The following UGT2A2 variants were observed in gnomAD, a reference collection of about 807,000 sequenced individuals.
The protein encoded by UGT2A2 is UDP glucuronosyltransferase family 2 member A2, also known as UDP-glucuronosyltransferase 2A2.
UGT2A2 carries 60 observed loss-of-function variants against 50.7 expected under a neutral mutation model. That is an observed-to-expected ratio of 1.18 (90% CI 0.96 to 1.47). The LOEUF (loss-of-function observed/expected upper bound fraction) is 1.47. Among genes scored for constraint, UGT2A2 ranks in the 40% most tolerant of loss-of-function variants. The pLI is 0.00. For missense variants in UGT2A2, 762 were observed against 634.0 expected (o/e 1.20, Z -2.17); for synonymous variants, 242 against 214.6 (o/e 1.13, Z -1.11).
At chr4:69,617,195 G>C (rs924180138) in intron 1 of UGT2A2, among the ~76,000 whole-genome samples, 2 of 151,880 alleles carry the variant, frequency 1.3e-5, no homozygotes, top group African/African-American at 2.4e-5. Flanking sequence ...TCCTTTGGCA[G>C]TTGCTAAATG....
intron 3 of UGT2A2, among the ~76,000 whole-genome samples, chr4:69,595,603 T>C (rs1718876633): frequency 6.6e-6 from 1 of 152,026 alleles, no homozygotes; most frequent in Non-Finnish European, 1.5e-5. Flanking sequence ...TACATAAATA[T>C]AAAGAGTCCT....
intron 1 of UGT2A2, among the ~76,000 whole-genome samples, chr4:69,609,558 AGT>A (rs888897542): frequency 5.8e-4 from 89 of 152,292 alleles, no homozygotes; most frequent in African/African-American, 2.0e-3. Flanking sequence ...AATAAAAGTC[AGT>A]AAATGAATTG....
In UGT2A2 at chr4:69,594,708, ATGGAGTGAGAAG is replaced by A. The variant is rs1440648800; in HGVS notation, c.1112-24_1112-13del. On this transcript the variant is annotated splice_polypyrimidine_tract_variant and intron_variant, in intron 4 of 5. Coordinates refer to ENST00000604629, the MANE Select transcript of UGT2A2 (RefSeq NM_001105677.2). ...GGTTTTGGGATGTCCTAATTTGAGG[ATGGAGTGAGAAG>A]TGGGTGTGTAATAATAACACATTAG... 6.2e-7 allele frequency: 1 copy of A among 1,609,434 alleles called. No individual in the cohort carries two copies. Among genetic ancestry groups the A allele is most frequent in the Non-Finnish European group, 8.5e-7 (1 of 1,177,286 alleles).
At chr4:69,631,214 A>C (rs1177645925) in intron 1 of UGT2A2, among the ~76,000 whole-genome samples, 1 of 152,134 alleles carries the variant, frequency 6.6e-6, no homozygotes, top group African/African-American at 2.4e-5. Context: ...AGATACCTAT[A>C]CTGTTTTAGT....
At chr4:69,607,522 G>C (rs7668214) in intron 1 of UGT2A2, among the ~76,000 whole-genome samples, 20,801 of 151,280 alleles carry the variant, frequency 0.14, 1,486 homozygotes, top group Non-Finnish European at 0.17. Context: ...AGGACTTCAT[G>C]TCTAAAACAC....
rs369906858 is a variant in UGT2A2 at position 69,639,007 on chromosome 4, G to T, written c.634C>A (p.Gln212Lys). 5.6e-6 allele frequency: 9 copies of T among 1,613,048 alleles called. No individual in the cohort carries two copies. In the African/African-American group the frequency reaches 6.7e-5, roughly 12 times the overall value. Reference protein sequence around the residue: ...VPAALSELTDQMTFGERIKNT... With the variant: ...VPAALSELTDKMTFGERIKNT... Reference sequence around the variant, plus strand: ...TTAATCCTTTCACCAAAGGTCATCTGGTCAGTGAGCTCTGATAAGGCTGCC... The same window carrying T: ...TTAATCCTTTCACCAAAGGTCATCTTGTCAGTGAGCTCTGATAAGGCTGCC... Residue 212 changes from glutamine (Q) to lysine (K), a missense_variant, in exon 1 of 6, where the codon CAG (glutamine) becomes AAG (lysine). By Grantham distance (53) the Gln-to-Lys change is moderately conservative. Transcript: ENST00000604629.
chr4:69,618,970 T>C (rs1560482230), intron 1 of UGT2A2, among the ~76,000 whole-genome samples: 1 of 151,896 alleles, frequency 6.6e-6, no homozygotes, highest in Non-Finnish European at 1.5e-5. Flanking sequence ...TTTAAATTAA[T>C]GTTGAATTTT....
chr4:69,637,794 C>T (rs1721794446), intron 1 of UGT2A2, among the ~76,000 whole-genome samples: 1 of 151,962 alleles, frequency 6.6e-6, no homozygotes, highest in African/African-American at 2.4e-5. Flanking sequence ...TGTATTCCTA[C>T]CACTTAGACA....
chr4:69,602,661 T>G (rs994757573), intron 1 of UGT2A2, among the ~76,000 whole-genome samples: 3 of 137,698 alleles, frequency 2.2e-5, no homozygotes, highest in Non-Finnish European at 4.6e-5. Context: ...AAACTAAATT[T>G]CCACTGAAAA....
At chr4:69,632,012 T>C (rs561928666) in intron 1 of UGT2A2, among the ~76,000 whole-genome samples, 31 of 152,278 alleles carry the variant, frequency 2.0e-4, no homozygotes, top group African/African-American at 7.0e-4. Context: ...TACCACATTA[T>C]AGTTATTAGT....
chr4:69,592,238 T>C (rs750936352), intron 5 of UGT2A2, among the ~76,000 whole-genome samples: 1 of 152,132 alleles, frequency 6.6e-6, no homozygotes, highest in Non-Finnish European at 1.5e-5. Context: ...GTGAATGAAA[T>C]ATTAAAGCTA....
intron 1 of UGT2A2, chr4:69,599,693 G>GAA: frequency 5.3e-6 from 1 of 188,846 alleles, no homozygotes; most frequent in Middle Eastern, 1.5e-3. Context: ...TAGAAATAAA[G>GAA]AAAGAGAGAG....
chr4:69,600,431 C>T (rs1234071496), intron 1 of UGT2A2, among the ~76,000 whole-genome samples: 1 of 152,088 alleles, frequency 6.6e-6, no homozygotes, highest in African/African-American at 2.4e-5. Context: ...AATCACAGTA[C>T]AATTTTGAGT....
chr4:69,636,372 G>T (rs1276533291), intron 1 of UGT2A2, among the ~76,000 whole-genome samples: 1 of 152,024 alleles, frequency 6.6e-6, no homozygotes, highest in African/African-American at 2.4e-5. Context: ...AATACAAAAT[G>T]GGGTTTTACC....
chr4:69,596,186 T>G (rs1277941456), intron 3 of UGT2A2, 64 bp downstream of exon 3: 59 of 1,407,316 alleles, frequency 4.2e-5, no homozygotes, highest in Non-Finnish European at 5.5e-5. Flanking sequence ...GAAAGAACAT[T>G]ACTAGCTGCA....
intron 1 of UGT2A2, among the ~76,000 whole-genome samples, chr4:69,628,521 G>T (rs189382005): frequency 1.8e-3 from 273 of 151,426 alleles, no homozygotes; most frequent in African/African-American, 6.3e-3. Flanking sequence ...TTCAATAAAT[G>T]ATGCCAGAAA....
At chr4:69,589,892 A>T (rs137925293) in intron 5 of UGT2A2, among the ~76,000 whole-genome samples, 1 of 152,218 alleles carries the variant, frequency 6.6e-6, no homozygotes, top group Non-Finnish European at 1.5e-5. Context: ...AGAGTAAGCC[A>T]GTTGTAAATA....
At chr4:69,603,668 A>G (rs1330001276) in intron 1 of UGT2A2, 1 of 136,042 alleles carries the variant, frequency 7.4e-6, no homozygotes. Flanking sequence ...AAAAACCTTG[A>G]AAAAAAATTA....
intron 1 of UGT2A2, chr4:69,603,553 C>T (rs1719422207): frequency 7.3e-6 from 1 of 136,816 alleles, no homozygotes; most frequent in South Asian, 2.4e-4. Context: ...CGCAACAGAA[C>T]AAAACTGGAC....
Sources: gnomAD v4.1 joint callset for allele counts (sites outside exome capture counted in the v4.1 genomes callset) on GRCh38, gnomAD v4.1.1 for gene constraint, MANE v1.5 for transcripts, NCBI Gene and HGNC (gene_info 2026-07-23, HGNC 2026-07-21) for gene names.